Variants in DNM3 observed in about 807,000 individuals in gnomAD.
DNM3 encodes the protein dynamin-3.
Under a neutral mutation model 101.6 loss-of-function variants are expected in DNM3, and 47 were observed. The ratio of observed to expected loss-of-function variants is 0.46; its 90% CI spans 0.37 to 0.59. The LOEUF (loss-of-function observed/expected upper bound fraction) is 0.59. DNM3 is among the 20% of genes least tolerant of loss of function. The pLI, the probability that DNM3 is intolerant of heterozygous loss-of-function variation, is 0.00. For synonymous variants in DNM3, 385 were observed against 387.9 expected, an observed-to-expected ratio of 0.99 and a Z score of 0.09; for missense variants, 849 against 1,085.7, an observed-to-expected ratio of 0.78 and a Z score of 3.06.
chr1:172,129,698 A>C (rs2056832371), intron 13 of DNM3, among the ~76,000 whole-genome samples: 1 of 152,088 alleles, frequency 6.6e-6, no homozygotes, highest in Admixed American at 6.6e-5. Flanking sequence ...TGCAGGAAAG[A>C]TCTTCCCCCA....
At chr1:172,000,947 T>C (rs1448875313) in intron 4 of DNM3, among the ~76,000 whole-genome samples, 2 of 151,886 alleles carry the variant, frequency 1.3e-5, no homozygotes, top group Admixed American at 1.3e-4. Context: ...TTGATGGAAA[T>C]GATGTAGAAG....
At chr1:172,216,914 T>C (rs1430529183) in intron 14 of DNM3, among the ~76,000 whole-genome samples, 1 of 152,124 alleles carries the variant, frequency 6.6e-6, no homozygotes, top group Non-Finnish European at 1.5e-5. Context: ...TATCTAGATA[T>C]TTACTATCAT....
chr1:172,392,768 T>C (rs2069633368), intron 20 of DNM3, among the ~76,000 whole-genome samples: 1 of 152,226 alleles, frequency 6.6e-6, no homozygotes, highest in African/African-American at 2.4e-5. Flanking sequence ...AAGAAACTTT[T>C]TTTTTTAACC....
chr1:172,205,100 C>G (rs181293788), intron 14 of DNM3, among the ~76,000 whole-genome samples: 40 of 152,190 alleles, frequency 2.6e-4, no homozygotes, highest in Admixed American at 7.2e-4. Context: ...TGTTTTGGTA[C>G]TGTTTCATGA....
At chr1:172,128,149 C>T (rs373502424) in intron 13 of DNM3, among the ~76,000 whole-genome samples, 15 of 152,102 alleles carry the variant, frequency 9.9e-5, no homozygotes, top group Non-Finnish European at 1.5e-4. Context: ...GATATTTCCC[C>T]GAGGATTCCA....
At chr1:172,335,760 GA>G (rs2066394478) in intron 17 of DNM3, among the ~76,000 whole-genome samples, 1 of 152,116 alleles carries the variant, frequency 6.6e-6, no homozygotes, top group Non-Finnish European at 1.5e-5. Context: ...TGGATATACA[GA>G]AGACAACAGT....
chr1:171,942,904 G>A (rs2041915146), intron 2 of DNM3, among the ~76,000 whole-genome samples: 1 of 152,076 alleles, frequency 6.6e-6, no homozygotes, highest in Non-Finnish European at 1.5e-5. Flanking sequence ...TTGTGTTCAG[G>A]AGGTTTGAGA....
At chr1:171,890,293 C>G (rs776893893) in intron 1 of DNM3, among the ~76,000 whole-genome samples, 3 of 152,012 alleles carry the variant, frequency 2.0e-5, no homozygotes, top group African/African-American at 4.8e-5. Context: ...TTTCTCCATC[C>G]TTGTTTGGAA....
chr1:171,942,786 A>G (rs1422253066), intron 2 of DNM3, among the ~76,000 whole-genome samples: 3 of 152,156 alleles, frequency 2.0e-5, no homozygotes, highest in Non-Finnish European at 4.4e-5. Flanking sequence ...CCAAGTGGCT[A>G]TCTTGAGGAA....
intron 14 of DNM3, among the ~76,000 whole-genome samples, chr1:172,151,209 G>A (rs1558645999): frequency 1.3e-5 from 2 of 152,088 alleles, no homozygotes; most frequent in African/African-American, 4.8e-5. Flanking sequence ...CATGTGCAGT[G>A]TTTTTTTGTA....
At position 172,076,705 on chromosome 1, in the gene DNM3, G is replaced by A. The variant is rs147520308; in HGVS notation, c.1423-5127G>A. On this transcript the variant is annotated intron_variant, in intron 11 of 20. Coordinates refer to ENST00000627582, the MANE Select transcript of DNM3 (RefSeq NM_015569.5). ...TGGAGAAGCTTTTTGATGTGCTGCC[G>A]GATTCAGTTTGCCAGTATTTTATTG... Among the ~76,000 whole-genome samples the A allele has an allele frequency of 5.9e-3, 892 of 152,222 alleles. 10 individuals are homozygous for A. Among genetic ancestry groups the A allele is most frequent in the African/African-American group, 0.02 (843 of 41,536 alleles).
chr1:172,211,805 A>G (rs918418786), intron 14 of DNM3, among the ~76,000 whole-genome samples: 37 of 152,184 alleles, frequency 2.4e-4, no homozygotes, highest in Admixed American at 1.2e-3. Flanking sequence ...GCAGAAACTG[A>G]AATAAGATCA....
At position 171,891,161 on chromosome 1, in the gene DNM3, C is replaced by T. The variant is rs957585994; in HGVS notation, c.162-30587C>T. Among the ~76,000 whole-genome samples, 19 of 152,086 alleles carry T rather than the reference C, an allele frequency of 1.2e-4. 1 individual carries two copies. The highest frequency in any genetic ancestry group is 8.5e-4 in the Admixed American group (13 of 15,272). ...AAGGCTGCAATGACCAATACAGTCT[C>T]CTATATAAGGAAGGTGAAGGAGGCA... is the stretch of plus-strand genomic sequence containing the variant. On this transcript the variant is annotated intron_variant, in intron 1 of 20. Transcript: ENST00000627582.
At chr1:171,958,584 T>G (rs900659121) in intron 2 of DNM3, among the ~76,000 whole-genome samples, 1 of 152,088 alleles carries the variant, frequency 6.6e-6, no homozygotes, top group African/African-American at 2.4e-5. Flanking sequence ...ATCAAAGGTG[T>G]TGGAGCAAGG....
intron 1 of DNM3, among the ~76,000 whole-genome samples, chr1:171,893,645 A>T (rs1180517399): frequency 1.3e-5 from 2 of 152,024 alleles, no homozygotes; most frequent in Non-Finnish European, 2.9e-5. Context: ...TGTAGAGATG[A>T]GGTCTCATTA....
intron 1 of DNM3, among the ~76,000 whole-genome samples, chr1:171,854,444 G>A (rs1041991446): frequency 6.6e-6 from 1 of 152,068 alleles, no homozygotes; most frequent in Non-Finnish European, 1.5e-5. Context: ...ACAGAATTTG[G>A]GTGCCTTTAG....
At chr1:172,264,654 G>A (rs893433617) in intron 15 of DNM3, among the ~76,000 whole-genome samples, 11 of 152,310 alleles carry the variant, frequency 7.2e-5, no homozygotes, top group African/African-American at 2.6e-4. Flanking sequence ...TATATGAGAT[G>A]CATTGACTTG....
intron 13 of DNM3, among the ~76,000 whole-genome samples, chr1:172,095,102 G>C (rs1158635014): frequency 6.6e-6 from 1 of 152,156 alleles, no homozygotes. Flanking sequence ...AATAGAATTG[G>C]GTGAGTGTTA....
At chr1:172,339,231 C>T (rs2066582384) in intron 17 of DNM3, among the ~76,000 whole-genome samples, 3 of 152,172 alleles carry the variant, frequency 2.0e-5, no homozygotes, top group Non-Finnish European at 4.4e-5. Flanking sequence ...GTATTGAATG[C>T]TTGCATCTGC....
Sources: gnomAD v4.1 joint callset for allele counts (sites outside exome capture counted in the v4.1 genomes callset) on GRCh38, gnomAD v4.1.1 for gene constraint, MANE v1.5 for transcripts, NCBI Gene and HGNC (gene_info 2026-07-23, HGNC 2026-07-21) for gene names.